Variants in DACH1 observed in about 807,000 individuals in gnomAD.
The protein encoded by DACH1 is dachshund homolog 1.
In DACH1, 12 loss-of-function variants were observed where a neutral mutation model predicts 54.2. The ratio of observed to expected loss-of-function variants is 0.22; its 90% CI spans 0.14 to 0.36. The LOEUF is 0.36. Among genes scored for constraint, DACH1 ranks in the 10% least tolerant of loss-of-function variants. DACH1 has a pLI of 1.00. For synonymous variants in DACH1, 386 were observed against 366.2 expected (o/e 1.05, Z -0.62); for missense variants, 805 against 929.8 (o/e 0.87, Z 1.75).
chr13:71,506,023 GTTAT>G (rs1443302149), intron 6 of DACH1, among the ~76,000 whole-genome samples: 5 of 151,752 alleles, frequency 3.3e-5, no homozygotes, highest in Non-Finnish European at 5.9e-5. Context: ...AAACTATACT[GTTAT>G]TTAATGTTAT....
intron 1 of DACH1, among the ~76,000 whole-genome samples, chr13:71,765,338 G>T (rs1200101689): frequency 6.6e-6 from 1 of 152,092 alleles, no homozygotes. Context: ...GCACTGTCAC[G>T]TCCATCTGCT....
intron 1 of DACH1, among the ~76,000 whole-genome samples, chr13:71,756,857 G>A (rs993018688): frequency 1.3e-5 from 2 of 152,152 alleles, no homozygotes; most frequent in Non-Finnish European, 2.9e-5. Flanking sequence ...TTGAATATCT[G>A]ATTATCATAG....
chr13:71,704,365 A>T (rs1009067816), intron 1 of DACH1: 12 of 430,564 alleles, frequency 2.8e-5, no homozygotes, highest in Non-Finnish European at 1.8e-5. Context: ...AAACTGGAAG[A>T]GTCTACCATG....
intron 1 of DACH1, among the ~76,000 whole-genome samples, chr13:71,731,444 C>T (rs1883742959): frequency 6.6e-6 from 1 of 151,938 alleles, no homozygotes; most frequent in Non-Finnish European, 1.5e-5. Context: ...CCATCACACC[C>T]GGCTAACGTT....
chr13:71,587,477 C>T (rs898321581), intron 3 of DACH1, among the ~76,000 whole-genome samples: 3 of 151,938 alleles, frequency 2.0e-5, no homozygotes, highest in Non-Finnish European at 2.9e-5. Context: ...CAAACTTATA[C>T]GTTATATAAT....
Position 71,777,488 on chromosome 13 carries a change from A to G in DACH1, c.848+88434T>C, listed in dbSNP as rs187150748. Among the ~76,000 whole-genome samples, 8 of 152,180 alleles carry G rather than the reference A, an allele frequency of 5.3e-5. No homozygotes were observed. The East Asian group carries it at 1.6e-3, about 29-fold the overall frequency. ...TAGTATCACTTCCCCTCTTCTAGAA[A>G]CTCATGTATAAATAAACAAGAATTG... On this transcript the variant is annotated intron_variant, in intron 1 of 10. Transcript: ENST00000613252.
At chr13:71,817,638 A>G (rs570941236) in intron 1 of DACH1, among the ~76,000 whole-genome samples, 1 of 152,298 alleles carries the variant, frequency 6.6e-6, no homozygotes, top group South Asian at 2.1e-4. Context: ...AAGATTTCCT[A>G]TGGAAAAGAA....
chr13:71,504,036 A>T (rs2138239551), intron 6 of DACH1, among the ~76,000 whole-genome samples: 1 of 152,300 alleles, frequency 6.6e-6, no homozygotes, highest in South Asian at 2.1e-4. Context: ...GAGCATAAAA[A>T]CATAATGTAA....
intron 1 of DACH1, among the ~76,000 whole-genome samples, chr13:71,699,718 A>G (rs191734466): frequency 1.3e-5 from 2 of 152,300 alleles, no homozygotes; most frequent in East Asian, 3.9e-4. Flanking sequence ...TTCACACAAA[A>G]CTTTTCATAA....
At chr13:71,655,805 T>C (rs1205073414) in intron 2 of DACH1, among the ~76,000 whole-genome samples, 1 of 152,222 alleles carries the variant, frequency 6.6e-6, no homozygotes, top group Non-Finnish European at 1.5e-5. Context: ...ATCTTTCTTT[T>C]TCATTTGCTT....
In DACH1 at chr13:71,461,632, A is replaced by C. The variant is rs28565442; in HGVS notation, c.2083+13509T>G. On this transcript the variant is annotated intron_variant, in intron 10 of 10. Transcript: ENST00000613252. ...TACTATCTATTGGGTTTAGAAGAGGAAAGTGCTTTCCATTCTTGCTATCTT... is the reference window on the plus strand; with the variant it reads ...TACTATCTATTGGGTTTAGAAGAGGCAAGTGCTTTCCATTCTTGCTATCTT... Among the ~76,000 whole-genome samples, 1,132 of 152,020 alleles carry C rather than the reference A, an allele frequency of 7.4e-3. 9 individuals are homozygous for C. The highest frequency in any genetic ancestry group is 0.013 in the South Asian group (63 of 4,818).
intron 1 of DACH1, among the ~76,000 whole-genome samples, chr13:71,682,790 TAC>T (rs1566430010): frequency 6.6e-6 from 1 of 152,136 alleles, no homozygotes; most frequent in Non-Finnish European, 1.5e-5. Context: ...GATTAATTAT[TAC>T]AGTTATAAGC....
chr13:71,823,312 G>A (rs549264191), intron 1 of DACH1, among the ~76,000 whole-genome samples: 134 of 152,018 alleles, frequency 8.8e-4, no homozygotes, highest in Non-Finnish European at 1.4e-3. Context: ...TGTTCAGAGT[G>A]GAAATTAAAA....
rs534887410 is a variant in DACH1 at position 71,574,871 on chromosome 13, A to G, written c.1127-1859T>C. ...CCAGCTTGCTCCTACACTGTGATAT[A>G]AAAGTTCTTTTCATATTCACAAATT... is the stretch of plus-strand genomic sequence containing the variant. On this transcript the variant is annotated intron_variant, in intron 3 of 10. Transcript: ENST00000613252. 1.0e-3 allele frequency among the ~76,000 whole-genome samples: 155 copies of G among 152,166 alleles called. 1 individual carries two copies. The highest frequency in any genetic ancestry group is 3.5e-3 in the African/African-American group (147 of 41,576).
At chr13:71,489,264 A>T (rs1361894916) in intron 6 of DACH1, 116 bp from the exon 7 acceptor site, 3 of 1,171,704 alleles carry the variant, frequency 2.6e-6, no homozygotes, top group Non-Finnish European at 3.6e-6. Flanking sequence ...GGTTCCTGCT[A>T]TCAGGAGAAA....
intron 1 of DACH1, among the ~76,000 whole-genome samples, chr13:71,786,931 T>C (rs982472465): frequency 4.6e-5 from 7 of 152,132 alleles, no homozygotes; most frequent in Non-Finnish European, 1.0e-4. Context: ...CACAGAGTAA[T>C]AGAGCTTGAA....
At chr13:71,593,296 T>C (rs1873864618) in intron 3 of DACH1, among the ~76,000 whole-genome samples, 1 of 152,188 alleles carries the variant, frequency 6.6e-6, no homozygotes, top group Non-Finnish European at 1.5e-5. Flanking sequence ...AAAATGATGT[T>C]CCAATTGTCT....
intron 2 of DACH1, among the ~76,000 whole-genome samples, chr13:71,677,355 A>G (rs1880636456): frequency 6.6e-6 from 1 of 152,132 alleles, no homozygotes. Flanking sequence ...ATTAACTTCA[A>G]CTTCTGGTTG....
At chr13:71,697,257 A>C (rs768003359) in intron 1 of DACH1, among the ~76,000 whole-genome samples, 1 of 152,212 alleles carries the variant, frequency 6.6e-6, no homozygotes, top group Non-Finnish European at 1.5e-5. Flanking sequence ...AAAAAAAATG[A>C]ATGACTGGGT....
Sources: gnomAD v4.1 joint callset for allele counts (sites outside exome capture counted in the v4.1 genomes callset) on GRCh38, gnomAD v4.1.1 for gene constraint, MANE v1.5 for transcripts, NCBI Gene and HGNC (gene_info 2026-07-23, HGNC 2026-07-21) for gene names.